The following SHPK variants were observed in gnomAD, a reference collection of about 807,000 sequenced individuals.
The protein encoded by SHPK is sedoheptulokinase, also known as carbohydrate kinase-like protein.
In SHPK, 51 loss-of-function variants were observed where a neutral mutation model predicts 46.3. The ratio of observed to expected loss-of-function variants is 1.10; its 90% CI spans 0.88 to 1.39. The LOEUF is 1.39. Ranked by LOEUF, SHPK falls within the 40% of genes most tolerant of loss-of-function variation. The pLI, the probability that SHPK is intolerant of heterozygous loss-of-function variation, is 0.00. For synonymous variants in SHPK, 290 were observed against 273.9 expected (o/e 1.06, Z -0.58); for missense variants, 668 against 641.3 (o/e 1.04, Z -0.45).
chr17:3,622,706 CTT>C (rs10643273), intron 4 of SHPK: 1,141 of 219,838 alleles, frequency 5.2e-3, no homozygotes, highest in Middle Eastern at 0.015. Flanking sequence ...GTTCTTTTTT[CTT>C]TTTTTTTTTT....
At chr17:3,635,731 A>C (rs1359575987) in intron 1 of SHPK, among the ~76,000 whole-genome samples, 1 of 152,156 alleles carries the variant, frequency 6.6e-6, no homozygotes, top group Non-Finnish European at 1.5e-5. Flanking sequence ...TGGTCATTCC[A>C]TACACACAAG....
At chr17:3,632,796 A>T (rs2075480985) in intron 1 of SHPK, among the ~76,000 whole-genome samples, 1 of 152,000 alleles carries the variant, frequency 6.6e-6, no homozygotes, top group Non-Finnish European at 1.5e-5. Context: ...CCAGAGAGGA[A>T]AAATAAATAT....
At position 3,636,223 on chromosome 17, in the gene SHPK, C is replaced by A; in HGVS notation, c.-4G>T. ...GGGTGATCGGCCGCGCAGCCATTATCTCCCTGACCCGCGCAGCTCCAGTCT... is the reference window on the plus strand; with the variant it reads ...GGGTGATCGGCCGCGCAGCCATTATATCCCTGACCCGCGCAGCTCCAGTCT... On this transcript the variant is annotated 5_prime_UTR_variant, in exon 1 of 7. Transcript: ENST00000225519. 1 of 1,595,788 alleles carries A rather than the reference C, an allele frequency of 6.3e-7. No homozygotes were observed. Among genetic ancestry groups the A allele is most frequent in the South Asian group, 1.1e-5 (1 of 89,992 alleles).
rs2075523506 is a variant in SHPK, at chr17:3,636,093, G to A, written c.127C>T (p.Arg43Trp). The A allele has an allele frequency of 1.2e-6, 2 of 1,601,234 alleles. No homozygotes were observed. The highest frequency in any genetic ancestry group is 1.1e-5 in the South Asian group (1 of 89,332). The change falls in exon 1 of 7, where the codon CGG (arginine) becomes TGG (tryptophan). Residue 43 changes from arginine (R) to tryptophan (W), a missense_variant. Arg to Trp is a moderately radical substitution (Grantham distance 101, BLOSUM62 -3). Transcript: ENST00000225519. ...GCGCTCTCGACCGCCGCCTCTGCCC[G>A]CGCAGCACGGGCACAGCTCGCCAGC... ...AVLASCARAA[R>W]AEAAVESAVA...
chr17:3,624,463 T>C (rs2075421233), intron 2 of SHPK, among the ~76,000 whole-genome samples: 1 of 152,014 alleles, frequency 6.6e-6, no homozygotes, highest in Non-Finnish European at 1.5e-5. Context: ...ACTTCTCTGT[T>C]TGTTTTTATT....
At chr17:3,613,441 T>A (rs1308891972) in intron 6 of SHPK, among the ~76,000 whole-genome samples, 3 of 152,158 alleles carry the variant, frequency 2.0e-5, no homozygotes, top group Non-Finnish European at 4.4e-5. Flanking sequence ...TTATTTCAGC[T>A]CACTGCAACC....
intron 1 of SHPK, 39 bp downstream of exon 1, chr17:3,636,013 G>A: frequency 1.3e-6 from 2 of 1,503,024 alleles, no homozygotes; most frequent in South Asian, 1.3e-5. Context: ...GTGGTCAGGA[G>A]GCTCCTGGAG....
At chr17:3,611,162 T>C (rs2075337538) in intron 6 of SHPK, among the ~76,000 whole-genome samples, 190 bp from the exon 7 acceptor site, 1 of 152,190 alleles carries the variant, frequency 6.6e-6, no homozygotes, top group African/African-American at 2.4e-5. Context: ...CCGCCCGCTG[T>C]CTCAGTGCAG....
At chr17:3,625,575 C>T (rs1436923286) in intron 2 of SHPK, among the ~76,000 whole-genome samples, 2 of 152,138 alleles carry the variant, frequency 1.3e-5, no homozygotes, top group East Asian at 3.9e-4. Context: ...GCCACCGTGA[C>T]CCCCTGGACC....
intron 5 of SHPK, chr17:3,619,193 G>C: frequency 2.2e-6 from 1 of 453,414 alleles, no homozygotes; most frequent in Non-Finnish European, 4.1e-6. Context: ...CACGTAAATT[G>C]CCTTCAGCCT....
intron 5 of SHPK, among the ~76,000 whole-genome samples, chr17:3,616,142 G>A (rs556900850): frequency 3.9e-5 from 6 of 152,098 alleles, no homozygotes; most frequent in South Asian, 2.1e-4. Flanking sequence ...GTGAGCCACC[G>A]TGCCCGGCCG....
chr17:3,624,352 G>T, intron 2 of SHPK, 121 bp from the exon 3 acceptor site: 1 of 921,056 alleles, frequency 1.1e-6, no homozygotes. Flanking sequence ...GATAAAGCCT[G>T]GCACACCTAT....
chr17:3,623,374 A>G lies in SHPK; in HGVS notation c.612T>C (p.Tyr204=), dbSNP rs748330786. 3.1e-6 allele frequency: 5 copies of G among 1,614,098 alleles called. No homozygotes were observed. In the Admixed American group the frequency reaches 5.0e-5, roughly 16 times the overall value. ...MSDQNAASWG[Y]FNTQSQSWNV... ...TCCAGCTTTGGCTCTGCGTGTTGAAATAGCCCCAGCTGGCAGCATTCTGGT... is the reference window on the plus strand; with the variant it reads ...TCCAGCTTTGGCTCTGCGTGTTGAAGTAGCCCCAGCTGGCAGCATTCTGGT... The change falls in exon 4 of 7, where the codon TAT becomes TAC. Residue 204 remains tyrosine (Y), a synonymous_variant. Transcript: ENST00000225519.
intron 5 of SHPK, chr17:3,619,284 G>A: frequency 4.9e-6 from 4 of 810,744 alleles, no homozygotes; most frequent in Admixed American, 4.0e-5. Flanking sequence ...TTCAATAAAC[G>A]TGGCCAGCTT....
intron 2 of SHPK, among the ~76,000 whole-genome samples, chr17:3,629,728 TAAAAAA>T (rs59844560): frequency 8.2e-6 from 1 of 121,676 alleles, no homozygotes; most frequent in Non-Finnish European, 1.7e-5. Context: ...AACTCCACCT[TAAAAAA>T]AAAAAAAAAA....
At position 3,630,367 on chromosome 17, in the gene SHPK, A is replaced by G. The variant is rs377750838; in HGVS notation, c.169-21T>C. 3 of 1,596,324 alleles carry G rather than the reference A, an allele frequency of 1.9e-6. No homozygotes were observed. The African/African-American group carries it at 4.0e-5, about 21-fold the overall frequency. ...CGCCCCTGGAAGCAAAAGAGAACAC[A>G]TGGGCAGGGGCAGACACACAGGCAG... On this transcript the variant is annotated intron_variant, in intron 1 of 6. Coordinates refer to ENST00000225519, the MANE Select transcript of SHPK (RefSeq NM_013276.4).
chr17:3,628,282 G>C (rs553467524), intron 2 of SHPK, among the ~76,000 whole-genome samples: 189 of 151,498 alleles, frequency 1.2e-3, no homozygotes, highest in African/African-American at 4.5e-3. Context: ...TCACAGTACT[G>C]TTCTCCCTAT....
Position 3,629,681 on chromosome 17 carries a change from T to C in SHPK, c.310+524A>G, listed in dbSNP as rs372500349. On this transcript the variant is annotated intron_variant, in intron 2 of 6. Coordinates refer to ENST00000225519, the MANE Select transcript of SHPK (RefSeq NM_013276.4). ...AGGCAGAGGTTGCAGTGAGCTGAGT[T>C]TGCGCCACTGCACTCCAGCCTGGGT... 7.8e-4 allele frequency among the ~76,000 whole-genome samples: 118 copies of C among 151,258 alleles called. 4 individuals carry two copies. In the South Asian group the frequency reaches 0.023, roughly 29 times the overall value.
rs996467184 is a variant in SHPK at position 3,610,319 on chromosome 17, G to A, written c.*241C>T. On this transcript the variant is annotated 3_prime_UTR_variant, in exon 7 of 7. Transcript: ENST00000225519. The stretch of plus-strand genomic sequence containing the variant: ...CTCTCTCTCTCCCACATGGACATTT[G>A]TAAATAGCTCCCAGGTGGGTCAATT... 15 of 510,544 alleles carry A rather than the reference G, an allele frequency of 2.9e-5. No individual in the cohort carries two copies. The highest frequency in any genetic ancestry group is 6.4e-5 in the Admixed American group (2 of 31,226). The allele number at this position is 510,544 out of a possible 1,614,324, so 31.6% of individuals were successfully genotyped here.
Sources: allele counts gnomAD v4.1 joint callset (sites outside exome capture counted in the v4.1 genomes callset), GRCh38; gene constraint gnomAD v4.1.1; transcripts MANE v1.5; gene names NCBI Gene and HGNC (gene_info 2026-07-23, HGNC 2026-07-21).